The following SAMD3 variants were observed in gnomAD, a reference collection of about 807,000 sequenced individuals.
The protein encoded by SAMD3 is sterile alpha motif domain-containing protein 3.
Under a neutral mutation model 58.5 loss-of-function variants are expected in SAMD3, and 63 were observed. The observed-to-expected ratio is 1.08, with a 90% confidence interval of 0.88 to 1.33. The LOEUF (loss-of-function observed/expected upper bound fraction) is 1.33, where lower values mean the gene tolerates loss of function less well. SAMD3 is among the 40% of genes most tolerant of loss of function. SAMD3 has a pLI of 0.00. For synonymous variants in SAMD3, 220 were observed against 210.3 expected (o/e 1.05, Z -0.40); for missense variants, 604 against 608.4 (o/e 0.99, Z 0.08).
intron 2 of SAMD3, among the ~76,000 whole-genome samples, chr6:130,289,980 A>G (rs12194580): frequency 0.28 from 42,170 of 151,922 alleles, 6,271 homozygotes; most frequent in East Asian, 0.44. Flanking sequence ...TTTGATTTGG[A>G]TAATCTGCCT....
At chr6:130,184,030 A>G in intron 7 of SAMD3, 73 bp downstream of exon 7, 8 of 1,182,330 alleles carry the variant, frequency 6.8e-6, no homozygotes, top group Non-Finnish European at 1.0e-5. Flanking sequence ...GAAGCATAAA[A>G]TTACTGGGCA....
chr6:130,170,183 T>A (rs1246005761), intron 8 of SAMD3, among the ~76,000 whole-genome samples: 1 of 152,222 alleles, frequency 6.6e-6, no homozygotes, highest in Admixed American at 6.5e-5. Context: ...TTTGTCCTAA[T>A]GCTCTCCCTC....
intron 2 of SAMD3, among the ~76,000 whole-genome samples, chr6:130,252,691 T>G (rs1461242325): frequency 6.6e-6 from 1 of 152,190 alleles, no homozygotes; most frequent in Non-Finnish European, 1.5e-5. Flanking sequence ...CGTTTGTTTT[T>G]GGTTTCCTGG....
intron 9 of SAMD3, among the ~76,000 whole-genome samples, chr6:130,154,064 T>G (rs1789500504): frequency 6.6e-6 from 1 of 151,922 alleles, no homozygotes; most frequent in African/African-American, 2.4e-5. Context: ...ATAATAACAG[T>G]TCCTTAATAA....
At chr6:130,187,336 G>C (rs2114722034) in intron 5 of SAMD3, among the ~76,000 whole-genome samples, 1 of 151,582 alleles carries the variant, frequency 6.6e-6, no homozygotes, top group African/African-American at 2.4e-5. Context: ...TCGGGGCGGA[G>C]ACTATACTGC....
chr6:130,187,327 C>T (rs750150117), intron 5 of SAMD3, among the ~76,000 whole-genome samples: 2 of 150,836 alleles, frequency 1.3e-5, no homozygotes, highest in South Asian at 2.1e-4. Flanking sequence ...TTTTCAGTGT[C>T]GGGGCGGAGA....
chr6:130,363,740 C>T (rs761099682), intron 1 of SAMD3, among the ~76,000 whole-genome samples: 65 of 152,280 alleles, frequency 4.3e-4, no homozygotes, highest in Non-Finnish European at 8.8e-4. Flanking sequence ...TCTCTTTCTA[C>T]TATGCACTCT....
At chr6:130,161,367 A>G (rs1206975181) in intron 8 of SAMD3, 1 of 152,218 alleles carries the variant, frequency 6.6e-6, no homozygotes, top group African/African-American at 2.4e-5. Flanking sequence ...ATCTACTGAA[A>G]TATAGTAGAA....
intron 1 of SAMD3, among the ~76,000 whole-genome samples, chr6:130,329,718 T>C (rs1218086936): frequency 6.6e-6 from 1 of 152,202 alleles, no homozygotes; most frequent in African/African-American, 2.4e-5. Context: ...ATATATGTCA[T>C]GGAGTACTAT....
At chr6:130,336,247 C>A (rs1777097486) in intron 1 of SAMD3, among the ~76,000 whole-genome samples, 1 of 152,046 alleles carries the variant, frequency 6.6e-6, no homozygotes, top group Admixed American at 6.5e-5. Flanking sequence ...ACCAAAAAAA[C>A]CCACATATGA....
intron 5 of SAMD3, among the ~76,000 whole-genome samples, chr6:130,188,424 G>C (rs1412434048): frequency 6.6e-6 from 1 of 152,134 alleles, no homozygotes; most frequent in Non-Finnish European, 1.5e-5. Context: ...ATTTTTTGTT[G>C]AAAGAATAAA....
At chr6:130,236,901 A>G (rs1773170637) in intron 2 of SAMD3, among the ~76,000 whole-genome samples, 1 of 152,204 alleles carries the variant, frequency 6.6e-6, no homozygotes, top group Non-Finnish European at 1.5e-5. Flanking sequence ...TATCAACTTC[A>G]TATGGTTACA....
At chr6:130,298,650 A>C (rs1162157615) in intron 2 of SAMD3, among the ~76,000 whole-genome samples, 1 of 152,176 alleles carries the variant, frequency 6.6e-6, no homozygotes, top group African/African-American at 2.4e-5. Context: ...CTAGATAAAC[A>C]AAAAGCTTAA....
At chr6:130,215,729 G>C in intron 2 of SAMD3, 1 of 1,486,872 alleles carries the variant, frequency 6.7e-7, no homozygotes, top group Non-Finnish European at 9.0e-7. Context: ...AGGAAGGGAG[G>C]AAGGATCAGA....
chr6:130,290,414 T>C (rs910248517), intron 2 of SAMD3, among the ~76,000 whole-genome samples: 3 of 152,238 alleles, frequency 2.0e-5, no homozygotes, highest in Non-Finnish European at 4.4e-5. Context: ...ATTAATTAGA[T>C]GAGGCTCACC....
intron 1 of SAMD3, among the ~76,000 whole-genome samples, chr6:130,314,088 C>G (rs2114992021): frequency 6.6e-6 from 1 of 152,202 alleles, no homozygotes; most frequent in East Asian, 1.9e-4. Flanking sequence ...AGCTGCTTAT[C>G]TGAAACTAGG....
At chr6:130,266,754 T>C (rs1224160556) in intron 2 of SAMD3, among the ~76,000 whole-genome samples, 4 of 152,140 alleles carry the variant, frequency 2.6e-5, no homozygotes, top group African/African-American at 9.7e-5. Flanking sequence ...CCATCTTTCT[T>C]CCTACTGCCC....
upstream of SAMD3, among the ~76,000 whole-genome samples, chr6:130,224,342 C>T (rs1368818986): frequency 3.3e-5 from 5 of 151,956 alleles, no homozygotes; most frequent in African/African-American, 4.8e-5. Context: ...TGCCTGTTCT[C>T]ACTTACGTCC....
chr6:130,150,215 C>T (rs1562366755), intron 9 of SAMD3, among the ~76,000 whole-genome samples: 1 of 152,150 alleles, frequency 6.6e-6, no homozygotes, highest in Non-Finnish European at 1.5e-5. Context: ...CCGTCCTGTC[C>T]TGAAGCAGCT....
Sources: allele counts gnomAD v4.1 joint callset (sites outside exome capture counted in the v4.1 genomes callset), GRCh38; gene constraint gnomAD v4.1.1; transcripts MANE v1.5; gene names NCBI Gene and HGNC (gene_info 2026-07-23, HGNC 2026-07-21).